The following FANCC variants were observed in gnomAD, a reference collection of about 807,000 sequenced individuals.
FANCC encodes FA complementation group C.
FANCC carries 55 observed loss-of-function variants against 71.3 expected under a neutral mutation model. The ratio of observed to expected loss-of-function variants is 0.77; its 90% CI spans 0.62 to 0.97. The LOEUF is 0.97. FANCC is among the 50% of genes least tolerant of loss of function. The pLI is 0.00. For synonymous variants in FANCC, 275 were observed against 244.9 expected, an observed-to-expected ratio of 1.12 and a Z score of -1.15; for missense variants, 678 against 670.9, an observed-to-expected ratio of 1.01 and a Z score of -0.12.
intron 4 of FANCC, among the ~76,000 whole-genome samples, chr9:95,223,648 G>GTTCT (rs1002020774): frequency 6.6e-6 from 1 of 152,112 alleles, no homozygotes; most frequent in African/African-American, 2.4e-5. Context: ...AATAGGTGAG[G>GTTCT]TTCTTCTCAG....
chr9:95,123,996 G>A (rs1053137286), intron 10 of FANCC: 6 of 340,770 alleles, frequency 1.8e-5, no homozygotes, highest in South Asian at 2.4e-5. Context: ...CCAGCTACAC[G>A]CAGGGGCTGA....
chr9:95,119,716 CTTTCT>C (rs1275570922), intron 10 of FANCC, among the ~76,000 whole-genome samples: 3 of 150,024 alleles, frequency 2.0e-5, no homozygotes, highest in African/African-American at 7.4e-5. Flanking sequence ...TTTTACATTC[CTTTCT>C]TATTTTTTGA....
At chr9:95,197,930 G>A (rs1250865923) in intron 4 of FANCC, among the ~76,000 whole-genome samples, 1 of 152,190 alleles carries the variant, frequency 6.6e-6, no homozygotes, top group East Asian at 1.9e-4. Flanking sequence ...AAAAATAGTA[G>A]TCAAGTAGGC....
intron 4 of FANCC, among the ~76,000 whole-genome samples, chr9:95,173,313 C>T (rs144220953): frequency 1.3e-5 from 2 of 152,108 alleles, no homozygotes; most frequent in Non-Finnish European, 2.9e-5. Context: ...AGCCCGGAAC[C>T]CATCATGAAG....
intron 1 of FANCC, among the ~76,000 whole-genome samples, chr9:95,267,290 G>T (rs888256511): frequency 6.6e-6 from 1 of 152,140 alleles, no homozygotes; most frequent in African/African-American, 2.4e-5. Flanking sequence ...TGCCTCCTAT[G>T]GAGTGGCGGT....
chr9:95,289,500 A>T lies in FANCC; in HGVS notation c.-79+28026T>A, dbSNP rs554270403. ...TATTTCACGGGGGGATAATAATTTC[A>T]TGTGTCATCATCTACAGGCTTATGA... On this transcript the variant is annotated intron_variant, in intron 1 of 14. Transcript: ENST00000289081. Among the ~76,000 whole-genome samples, 6 of 152,330 alleles carry T rather than the reference A, an allele frequency of 3.9e-5. No individual in the cohort carries two copies. In the East Asian group the frequency reaches 1.2e-3, roughly 29 times the overall value.
intron 1 of FANCC, among the ~76,000 whole-genome samples, chr9:95,285,209 G>A (rs1833619396): frequency 6.6e-6 from 1 of 151,864 alleles, no homozygotes; most frequent in Non-Finnish European, 1.5e-5. Context: ...GGAGCCCTAG[G>A]GAGAATATAA....
In FANCC at chr9:95,173,355, G is replaced by GT. The variant is rs1210689429; in HGVS notation, c.346-1209dup. On this transcript the variant is annotated intron_variant, in intron 4 of 14. Coordinates refer to ENST00000289081, the MANE Select transcript of FANCC (RefSeq NM_000136.3). ...CTTCCAGGGGTGTGTCTGCCTAGAGGTTTGTCACCTGAACAAAGACCGATT... is the reference window on the plus strand; with the variant it reads ...CTTCCAGGGGTGTGTCTGCCTAGAGGTTTTGTCACCTGAACAAAGACCGATT... Among the ~76,000 whole-genome samples, 68 of 152,070 alleles carry GT rather than the reference G, an allele frequency of 4.5e-4. 1 individual carries two copies. Among genetic ancestry groups the GT allele is most frequent in the Non-Finnish European group, 1.3e-4 (9 of 68,016 alleles).
intron 7 of FANCC, among the ~76,000 whole-genome samples, chr9:95,143,768 CA>C (rs1829111395): frequency 6.6e-6 from 1 of 152,192 alleles, no homozygotes; most frequent in South Asian, 2.1e-4. Flanking sequence ...TCCAGACTTA[CA>C]AAAGGACCTC....
intron 1 of FANCC, among the ~76,000 whole-genome samples, chr9:95,260,619 C>T (rs1295877997): frequency 6.6e-6 from 1 of 151,222 alleles, no homozygotes; most frequent in Non-Finnish European, 1.5e-5. Context: ...CAGGAAACCA[C>T]CATGGCACGT....
At chr9:95,136,582 G>C (rs1485631529) in intron 7 of FANCC, among the ~76,000 whole-genome samples, 4 of 152,068 alleles carry the variant, frequency 2.6e-5, no homozygotes, top group African/African-American at 9.7e-5. Flanking sequence ...AAACTCCTAG[G>C]CTCATGTGAT....
intron 6 of FANCC, among the ~76,000 whole-genome samples, chr9:95,152,888 G>A (rs767445115): frequency 7.3e-5 from 11 of 151,312 alleles, no homozygotes; most frequent in African/African-American, 2.2e-4. Context: ...AAGAAGAATC[G>A]TCTTGGGTTA....
intron 4 of FANCC, among the ~76,000 whole-genome samples, chr9:95,210,351 A>G (rs1188211953): frequency 6.6e-6 from 1 of 152,186 alleles, no homozygotes; most frequent in East Asian, 1.9e-4. Context: ...AAATTATAAA[A>G]TGATATACTT....
intron 4 of FANCC, 97 bp from the exon 5 acceptor site, chr9:95,172,244 C>G (rs1276350123): frequency 8.6e-6 from 6 of 699,566 alleles, no homozygotes; most frequent in Non-Finnish European, 1.2e-5. Context: ...TGGGGGTGGT[C>G]TCTATGAAAC....
Position 95,101,760 on chromosome 9 carries a change from T to C in FANCC, c.1624A>G (p.Arg542Gly). Residue 542 changes from arginine (R) to glycine (G), a missense_variant, in exon 15 of 15, where the codon AGA (arginine) becomes GGA (glycine). Physicochemically the swap from Arg to Gly is moderately radical, Grantham distance 125. Transcript: ENST00000289081. The stretch of plus-strand genomic sequence containing the variant: ...AGCTCTCGGGCCAGTTTTTCTGATC[T>C]AGGGCTTTCAATGCCAAGACGATTC... Reference protein sequence around the residue: ...RWNRLGIESPRSEKLARELLK... With the variant: ...RWNRLGIESPGSEKLARELLK... The C allele has an allele frequency of 1.2e-6, 2 of 1,614,170 alleles. No homozygotes were observed. Among genetic ancestry groups the C allele is most frequent in the Non-Finnish European group, 1.7e-6 (2 of 1,180,026 alleles).
chr9:95,205,099 C>T (rs1828038693), intron 4 of FANCC, among the ~76,000 whole-genome samples: 1 of 152,276 alleles, frequency 6.6e-6, no homozygotes, highest in South Asian at 2.1e-4. Flanking sequence ...TTATGTATAG[C>T]ACTGCATTCT....
intron 4 of FANCC, among the ~76,000 whole-genome samples, chr9:95,213,473 T>C (rs1439994882): frequency 6.6e-6 from 1 of 152,108 alleles, no homozygotes; most frequent in Non-Finnish European, 1.5e-5. Context: ...ATCAGTAGAA[T>C]AGAATACAGA....
In FANCC at chr9:95,126,698, C is replaced by A; in HGVS notation, c.844-117G>T. ...CTGATGTCCAGAAAACTGGCATACTCCTTTTGGTTAGAAGAACGAACCACT... is the reference window on the plus strand; with the variant it reads ...CTGATGTCCAGAAAACTGGCATACTACTTTTGGTTAGAAGAACGAACCACT... On this transcript the variant is annotated intron_variant, in intron 8 of 14. Coordinates refer to ENST00000289081, the MANE Select transcript of FANCC (RefSeq NM_000136.3). 3.8e-6 allele frequency: 4 copies of A among 1,044,544 alleles called. No homozygotes were observed. The South Asian group carries it at 5.3e-5, about 14-fold the overall frequency. 64.7% of individuals were successfully genotyped at this position (1,044,544 alleles called of 1,614,324 possible). A position where few individuals can be genotyped will look rare whatever the true frequency, so the allele number is the denominator to read the frequency against.
At chr9:95,243,236 G>T (rs888494813) in intron 3 of FANCC, among the ~76,000 whole-genome samples, 1 of 152,160 alleles carries the variant, frequency 6.6e-6, no homozygotes, top group Non-Finnish European at 1.5e-5. Flanking sequence ...GCTTAATCGT[G>T]AGGGCAGAGT....
Sources: allele counts gnomAD v4.1 joint callset (sites outside exome capture counted in the v4.1 genomes callset), GRCh38; gene constraint gnomAD v4.1.1; transcripts MANE v1.5; gene names NCBI Gene and HGNC (gene_info 2026-07-23, HGNC 2026-07-21).